The following TP53BP1 variants were observed in gnomAD, a reference collection of about 807,000 sequenced individuals.
TP53BP1 encodes TP53-binding protein 1.
TP53BP1 carries 61 observed loss-of-function variants against 200.8 expected under a neutral mutation model. The observed-to-expected ratio is 0.30, with a 90% CI of 0.25 to 0.38. TP53BP1 has a LOEUF of 0.38. Ranked by LOEUF, TP53BP1 falls within the 10% of genes least tolerant of loss-of-function variation. The pLI is 1.00. For missense variants in TP53BP1, 2,144 were observed against 2,371.9 expected (o/e 0.90, Z 2.00); for synonymous variants, 822 against 844.3 (o/e 0.97, Z 0.46).
At chr15:43,416,122 A>T (rs900233526) in intron 22 of TP53BP1, 103 bp downstream of exon 22, 35 of 1,098,066 alleles carry the variant, frequency 3.2e-5, no homozygotes, top group Non-Finnish European at 4.6e-5. Flanking sequence ...CACACATAGG[A>T]ATAATAAAAG....
chr15:43,447,158 C>A, intron 13 of TP53BP1: 1 of 563,884 alleles, frequency 1.8e-6, no homozygotes, highest in South Asian at 2.1e-5. Flanking sequence ...TTCTTTCTTA[C>A]TTCCCTCCAC....
Position 43,407,328 on chromosome 15 carries a change from GT to G in TP53BP1, c.*54del. ...ACACACAAGACACATTTAAAACCTG[GT>G]TAAAACACAATCTCCACGATAGCAG... On this transcript the variant is annotated 3_prime_UTR_variant, in exon 28 of 28. Coordinates refer to ENST00000382044, the MANE Select transcript of TP53BP1 (RefSeq NM_001141980.3). The G allele has an allele frequency of 6.5e-7, 1 of 1,539,956 alleles. No homozygotes were observed. The highest frequency in any genetic ancestry group is 8.9e-7 in the Non-Finnish European group (1 of 1,120,692).
chr15:43,468,021 G>C (rs2046632144), intron 11 of TP53BP1, among the ~76,000 whole-genome samples: 1 of 152,072 alleles, frequency 6.6e-6, no homozygotes, highest in Admixed American at 6.6e-5. Flanking sequence ...CTGGTCTCAA[G>C]TGATCCGCCT....
chr15:43,502,386 C>T (rs2079213712), intron 1 of TP53BP1, among the ~76,000 whole-genome samples: 1 of 152,096 alleles, frequency 6.6e-6, no homozygotes, highest in Non-Finnish European at 1.5e-5. Context: ...CCACTAACAA[C>T]ATATTAGTTT....
rs2045372650 is a variant in TP53BP1 at position 43,420,634 on chromosome 15, G to A, written c.4352C>T (p.Ser1451Phe). 7.4e-6 allele frequency: 12 copies of A among 1,614,204 alleles called. No homozygotes were observed. The East Asian group carries it at 2.7e-4, about 36-fold the overall frequency. The stretch of plus-strand genomic sequence containing the variant: ...AGCACCCACATCTGTTCGTCTGGTG[G>A]AGTCTGGCACTCGGGGCACGACACG... ...FSRVVPRVPD[S>F]TRRTDVGAGA... The change falls in exon 21 of 28, where the codon TCC becomes TTC. Residue 1451 changes from serine to phenylalanine, a missense_variant. Coordinates refer to ENST00000382044, the MANE Select transcript of TP53BP1 (RefSeq NM_001141980.3).
At chr15:43,485,613 T>C (rs2079036983) in intron 4 of TP53BP1, among the ~76,000 whole-genome samples, 2 of 113,692 alleles carry the variant, frequency 1.8e-5, no homozygotes, top group African/African-American at 3.3e-5. Context: ...GAGGCCGAGA[T>C]GGGCAGATCA....
intron 11 of TP53BP1, among the ~76,000 whole-genome samples, chr15:43,467,076 A>G (rs905356947): frequency 1.3e-5 from 2 of 149,576 alleles, no homozygotes; most frequent in Admixed American, 1.3e-4. Flanking sequence ...TTTTTTTGAG[A>G]CAAGGTCTCA....
intron 25 of TP53BP1, 27 bp from the exon 26 acceptor site, chr15:43,409,123 G>A (rs761443778): frequency 5.6e-6 from 9 of 1,609,886 alleles, no homozygotes; most frequent in Non-Finnish European, 6.8e-6. Flanking sequence ...AGAGCCAATG[G>A]GTTTGGTGAC....
chr15:43,483,064 C>G (rs748042302), intron 4 of TP53BP1, among the ~76,000 whole-genome samples: 1 of 152,106 alleles, frequency 6.6e-6, no homozygotes, highest in Non-Finnish European at 1.5e-5. Flanking sequence ...GAACTGTATA[C>G]TTAAATATTA....
At chr15:43,437,120 C>T (rs1324878990) in intron 16 of TP53BP1, among the ~76,000 whole-genome samples, 1 of 152,142 alleles carries the variant, frequency 6.6e-6, no homozygotes, top group Non-Finnish European at 1.5e-5. Context: ...TACTGCACCA[C>T]TGCACCTCAG....
chr15:43,455,155 CTT>C (rs2046263780), intron 12 of TP53BP1, among the ~76,000 whole-genome samples: 1 of 152,124 alleles, frequency 6.6e-6, no homozygotes, highest in South Asian at 2.1e-4. Flanking sequence ...AGTTTAGAAA[CTT>C]TACCTAATGC....
At chr15:43,453,791 C>T (rs929670291) in intron 12 of TP53BP1, among the ~76,000 whole-genome samples, 8 of 151,862 alleles carry the variant, frequency 5.3e-5, no homozygotes, top group Admixed American at 1.3e-4. Flanking sequence ...GTGACCCGCC[C>T]GCCTTGGCTT....
intron 13 of TP53BP1, 33 bp downstream of exon 13, chr15:43,447,333 T>C (rs2046064912): frequency 6.3e-7 from 1 of 1,587,304 alleles, no homozygotes; most frequent in Non-Finnish European, 8.5e-7. Flanking sequence ...TCAGAAATTC[T>C]GCCTTAAATA....
chr15:43,413,410 C>T, intron 23 of TP53BP1, 76 bp from the exon 24 acceptor site: 4 of 1,236,532 alleles, frequency 3.2e-6, no homozygotes, highest in Admixed American at 2.1e-5. Flanking sequence ...CCAAAAGGCC[C>T]CAGCACCAAG....
intron 18 of TP53BP1, among the ~76,000 whole-genome samples, 166 bp downstream of exon 18, chr15:43,427,850 G>A (rs2045579680): frequency 1.3e-5 from 2 of 151,910 alleles, no homozygotes; most frequent in South Asian, 4.2e-4. Flanking sequence ...CCAACTGCAA[G>A]GGAGGCTGAG....
rs533484087 is a variant in TP53BP1 at position 43,458,968 on chromosome 15, A to C, written c.1390-1750T>G. On this transcript the variant is annotated intron_variant, in intron 11 of 27. Transcript: ENST00000382044. ...TAACCTAGGCATTCTGCTTGTAGGC[A>C]TTTACCCAAGAAAAATAAAAATATG... Among the ~76,000 whole-genome samples the C allele has an allele frequency of 2.6e-5, 4 of 152,244 alleles. No individual in the cohort carries two copies. In the East Asian group the frequency reaches 7.7e-4, roughly 29 times the overall value.
At chr15:43,423,510 A>T (rs760126538) in intron 18 of TP53BP1, among the ~76,000 whole-genome samples, 4 of 151,920 alleles carry the variant, frequency 2.6e-5, no homozygotes, top group Admixed American at 6.6e-5. Context: ...CAAAAAAAAT[A>T]GCCGGGCATG....
chr15:43,491,584 T>C (rs1458304920), intron 4 of TP53BP1, 85 bp downstream of exon 4: 7 of 1,013,136 alleles, frequency 6.9e-6, no homozygotes, highest in African/African-American at 3.2e-5. Flanking sequence ...GATTAATCCT[T>C]TTATCCTTGG....
intron 12 of TP53BP1, among the ~76,000 whole-genome samples, chr15:43,451,199 T>C (rs556047633): frequency 3.9e-5 from 6 of 152,140 alleles, no homozygotes; most frequent in Non-Finnish European, 8.8e-5. Context: ...TTTTAATTAT[T>C]ATACTTTAAG....
Sources: allele counts gnomAD v4.1 joint callset (sites outside exome capture counted in the v4.1 genomes callset), GRCh38; gene constraint gnomAD v4.1.1; transcripts MANE v1.5; gene names NCBI Gene and HGNC (gene_info 2026-07-23, HGNC 2026-07-21).